The following MINDY4 variants were observed in gnomAD, a reference collection of about 807,000 sequenced individuals.
The protein encoded by MINDY4 is probable ubiquitin carboxyl-terminal hydrolase MINDY-4.
A neutral mutation model predicts 87.0 loss-of-function variants in MINDY4; 68 were observed. The ratio of observed to expected loss-of-function variants is 0.78; its 90% CI spans 0.64 to 0.96. MINDY4 has a LOEUF of 0.96. MINDY4 is among the 40% of genes least tolerant of loss of function. MINDY4 has a pLI of 0.00. For synonymous variants in MINDY4, 379 were observed against 363.2 expected (o/e 1.04, Z -0.50); for missense variants, 919 against 928.2 (o/e 0.99, Z 0.13).
chr7:30,845,389 T>C (rs1332505709), intron 9 of MINDY4, among the ~76,000 whole-genome samples: 3 of 151,982 alleles, frequency 2.0e-5, no homozygotes, highest in African/African-American at 7.3e-5. Context: ...TTCATTGACT[T>C]ATATAGTTTT....
In MINDY4 at chr7:30,785,802, C is replaced by G. The variant is rs771292697; in HGVS notation, c.473C>G (p.Pro158Arg). The G allele has an allele frequency of 5.0e-6, 8 of 1,614,144 alleles. No individual in the cohort carries two copies. The South Asian group carries it at 8.8e-5, about 18-fold the overall frequency. The change falls in exon 4 of 18, where the codon CCC becomes CGC. Residue 158 changes from proline (P) to arginine (R), a missense_variant. Pro to Arg is a moderately radical substitution (Grantham distance 103). Coordinates refer to ENST00000265299, the MANE Select transcript of MINDY4 (RefSeq NM_032222.3). ...VLGNFVSSKR[P>R]PHKSKPMQTV... The stretch of plus-strand genomic sequence containing the variant: ...GGTAATTTTGTATCATCTAAAAGGC[C>G]CCCGCACAAAAGTAAGCCCATGCAG...
At chr7:30,788,549 G>A (rs576406623) in intron 4 of MINDY4, among the ~76,000 whole-genome samples, 1 of 152,272 alleles carries the variant, frequency 6.6e-6, no homozygotes, top group East Asian at 1.9e-4. Flanking sequence ...AAGCTCTCAA[G>A]CTCACGGTGG....
intron 4 of MINDY4, among the ~76,000 whole-genome samples, chr7:30,787,536 G>T (rs781709082): frequency 9.9e-5 from 15 of 152,220 alleles, no homozygotes; most frequent in Middle Eastern, 3.2e-3. Flanking sequence ...GGACACTGTT[G>T]TGTTTCTGTG....
At chr7:30,797,007 G>T (rs111505997) in intron 5 of MINDY4, 50 of 152,222 alleles carry the variant, frequency 3.3e-4, no homozygotes, top group African/African-American at 1.1e-3. Context: ...GGCTTGTACT[G>T]GCTTCGAATG....
At chr7:30,875,744 C>G (rs976792845) in intron 15 of MINDY4, 88 bp downstream of exon 15, 3 of 1,427,642 alleles carry the variant, frequency 2.1e-6, no homozygotes, top group Non-Finnish European at 2.8e-6. Flanking sequence ...AGCTGGACTC[C>G]ACTTCTCAGA....
At chr7:30,814,521 A>C (rs1788094483) in intron 5 of MINDY4, among the ~76,000 whole-genome samples, 1 of 152,242 alleles carries the variant, frequency 6.6e-6, no homozygotes, top group Admixed American at 6.5e-5. Flanking sequence ...ATTTGTAAAA[A>C]ATAGGGCTAA....
intron 5 of MINDY4, among the ~76,000 whole-genome samples, chr7:30,793,716 G>T (rs1787392621): frequency 6.6e-6 from 1 of 152,138 alleles, no homozygotes; most frequent in African/African-American, 2.4e-5. Context: ...GTGGGGAGGG[G>T]CTGCCCGTGG....
At chr7:30,844,092 C>G (rs1483245514) in intron 9 of MINDY4, among the ~76,000 whole-genome samples, 1 of 152,104 alleles carries the variant, frequency 6.6e-6, no homozygotes, top group Non-Finnish European at 1.5e-5. Flanking sequence ...TGTAGCCCAC[C>G]CCCTGGACTG....
rs540093457 is a variant in MINDY4 at position 30,882,203 on chromosome 7, C to A, written c.1994C>A (p.Pro665Gln). Residue 665 changes from proline to glutamine, a missense_variant, in exon 16 of 18, where the codon CCG (proline) becomes CAG (glutamine). Transcript: ENST00000265299. Reference sequence around the variant, plus strand: ...CAGGTTGGCTGCTTCCTGAAGACCCCGAGGTTCCCCATCTGGGTGGTTTGC... The same window carrying A: ...CAGGTTGGCTGCTTCCTGAAGACCCAGAGGTTCCCCATCTGGGTGGTTTGC... ...MCQVGCFLKT[P>Q]RFPIWVVCSE... 1.2e-6 allele frequency: 2 copies of A among 1,610,818 alleles called. No homozygotes were observed. The highest frequency in any genetic ancestry group is 1.7e-6 in the Non-Finnish European group (2 of 1,177,582).
intron 6 of MINDY4, among the ~76,000 whole-genome samples, chr7:30,833,961 G>C (rs1024983180): frequency 6.6e-6 from 1 of 152,252 alleles, no homozygotes; most frequent in African/African-American, 2.4e-5. Context: ...TGCCCCTGTG[G>C]CTTTGCAGGA....
Position 30,892,079 on chromosome 7 carries a change from C to G in MINDY4, c.*74C>G, listed in dbSNP as rs998388365. Reference sequence around the variant, plus strand: ...CCGAGGATGACAGCTGAACCCCAAGCCTCTGGGGCAGGTCTCATGTACCCC... The same window carrying G: ...CCGAGGATGACAGCTGAACCCCAAGGCTCTGGGGCAGGTCTCATGTACCCC... On this transcript the variant is annotated 3_prime_UTR_variant, in exon 18 of 18. Coordinates refer to ENST00000265299, the MANE Select transcript of MINDY4 (RefSeq NM_032222.3). The G allele has an allele frequency of 1.0e-5, 16 of 1,537,420 alleles. No homozygotes were observed. In the African/African-American group the frequency reaches 1.9e-4, roughly 18 times the overall value.
chr7:30,867,796 G>T (rs1789985452), intron 13 of MINDY4, among the ~76,000 whole-genome samples: 1 of 152,320 alleles, frequency 6.6e-6, no homozygotes, highest in East Asian at 1.9e-4. Context: ...TGCCCTAGTG[G>T]TCAGGTGGAG....
intron 14 of MINDY4, among the ~76,000 whole-genome samples, chr7:30,874,392 T>C (rs557853410): frequency 6.6e-6 from 1 of 152,232 alleles, no homozygotes; most frequent in African/African-American, 2.4e-5. Flanking sequence ...CTGGCCCTAA[T>C]GGGCTGTGTG....
chr7:30,818,616 G>A (rs1788233676), intron 5 of MINDY4, among the ~76,000 whole-genome samples: 1 of 152,198 alleles, frequency 6.6e-6, no homozygotes, highest in African/African-American at 2.4e-5. Flanking sequence ...TAGCTGGGAT[G>A]GGTGGTTCCA....
chr7:30,852,192 C>T, intron 10 of MINDY4, 24 bp from the exon 11 acceptor site: 1 of 1,614,110 alleles, frequency 6.2e-7, no homozygotes, highest in East Asian at 2.2e-5. Context: ...TCAGAGGACT[C>T]ATGCACCTTC....
intron 5 of MINDY4, among the ~76,000 whole-genome samples, chr7:30,799,347 A>G (rs1787583348): frequency 6.6e-6 from 1 of 152,106 alleles, no homozygotes; most frequent in Non-Finnish European, 1.5e-5. Flanking sequence ...TCCTTCCTAG[A>G]CTATAGGCTC....
chr7:30,843,015 T>C (rs57459575), intron 9 of MINDY4, among the ~76,000 whole-genome samples: 23,233 of 152,008 alleles, frequency 0.15, 2,427 homozygotes, highest in African/African-American at 0.3. Context: ...CTCATCGATA[T>C]GGTTACCTGT....
intron 2 of MINDY4, chr7:30,780,823 T>G (rs1786990087): frequency 6.6e-6 from 1 of 152,244 alleles, no homozygotes; most frequent in African/African-American, 2.4e-5. Flanking sequence ...TCTCTCTTAC[T>G]GAGAGAAAAA....
At chr7:30,781,490 C>G (rs6956143) in intron 2 of MINDY4, 45,877 of 155,286 alleles carry the variant, frequency 0.3, 7,118 homozygotes, top group Non-Finnish European at 0.32. Flanking sequence ...GTGCTCTTCA[C>G]ATTGACCTGC....
Sources: allele counts gnomAD v4.1 joint callset (sites outside exome capture counted in the v4.1 genomes callset), GRCh38; gene constraint gnomAD v4.1.1; transcripts MANE v1.5; gene names NCBI Gene and HGNC (gene_info 2026-07-23, HGNC 2026-07-21).